Variants in PRKG1 observed in about 807,000 individuals in gnomAD.
PRKG1 encodes cGMP-dependent protein kinase 1.
A neutral mutation model predicts 88.1 loss-of-function variants in PRKG1; 35 were observed. The ratio of observed to expected loss-of-function variants is 0.40; its 90% CI spans 0.30 to 0.53. The LOEUF (loss-of-function observed/expected upper bound fraction) is 0.53. Among genes scored for constraint, PRKG1 ranks in the 20% least tolerant of loss-of-function variants. The probability of loss-of-function intolerance (pLI) is 0.59; values close to 1 mark genes in which losing one functional copy is unlikely to be tolerated. For synonymous variants in PRKG1, 303 were observed against 292.5 expected (o/e 1.04, Z -0.37); for missense variants, 540 against 839.8 (o/e 0.64, Z 4.41).
Position 51,037,461 on chromosome 10 carries a change from T to TA in PRKG1, c.266+45824dup, listed in dbSNP as rs960032164. The stretch of plus-strand genomic sequence containing the variant: ...CTGGATGACAGCGTGAAATCCTTTC[T>TA]AAAAAAACAAAAAACAAACAAACAA... On this transcript the variant is annotated intron_variant, in intron 1 of 17. Coordinates refer to the PRKG1 transcript ENST00000401604. Among the ~76,000 whole-genome samples the TA allele has an allele frequency of 3.7e-4, 56 of 151,782 alleles. 1 individual carries two copies. Among genetic ancestry groups the TA allele is most frequent in the East Asian group, 3.5e-3 (18 of 5,154 alleles).
rs147834678 is a variant in PRKG1 at position 52,015,164 on chromosome 10, C to T, written c.763-39320C>T. ...GCATTGCCCTAGTATAGGTTCTCCACGAGGGCTCTGTCCCTGCAGCAGACT... is the reference window on the plus strand; with the variant it reads ...GCATTGCCCTAGTATAGGTTCTCCATGAGGGCTCTGTCCCTGCAGCAGACT... On this transcript the variant is annotated intron_variant, in intron 5 of 17. Transcript: ENST00000373980. Among the ~76,000 whole-genome samples, 495 of 152,316 alleles carry T rather than the reference C, an allele frequency of 3.2e-3. 4 individuals are homozygous for T. Among genetic ancestry groups the T allele is most frequent in the African/African-American group, 0.011 (440 of 41,564 alleles).
At chr10:51,676,822 G>C (rs1840723222) in intron 3 of PRKG1, among the ~76,000 whole-genome samples, 1 of 151,638 alleles carries the variant, frequency 6.6e-6, no homozygotes, top group Non-Finnish European at 1.5e-5. Flanking sequence ...TTCTTTTTTT[G>C]CTTATCTCCT....
intron 6 of PRKG1, among the ~76,000 whole-genome samples, chr10:52,058,378 T>C (rs1846159493): frequency 6.6e-6 from 1 of 152,000 alleles, no homozygotes; most frequent in African/African-American, 2.4e-5. Flanking sequence ...AAAAATCACA[T>C]TATCATGCCA....
At chr10:51,883,541 A>G (rs1420665957) in intron 4 of PRKG1, among the ~76,000 whole-genome samples, 1 of 152,242 alleles carries the variant, frequency 6.6e-6, no homozygotes, top group Non-Finnish European at 1.5e-5. Flanking sequence ...CCCATAGGTT[A>G]AGAAAGACAT....
intron 4 of PRKG1, among the ~76,000 whole-genome samples, chr10:51,902,710 C>T (rs1467349860): frequency 6.6e-6 from 1 of 152,060 alleles, no homozygotes; most frequent in Non-Finnish European, 1.5e-5. Flanking sequence ...GTAAACAGCA[C>T]ACCTATCATA....
chr10:51,067,669 C>T (rs1843769815), intron 1 of PRKG1, among the ~76,000 whole-genome samples: 2 of 151,992 alleles, frequency 1.3e-5, no homozygotes, highest in African/African-American at 4.8e-5. Context: ...TGACTCTCTA[C>T]ATTAACTCTT....
intron 4 of PRKG1, among the ~76,000 whole-genome samples, chr10:51,827,310 T>G (rs551751126): frequency 2.0e-5 from 3 of 152,278 alleles, no homozygotes; most frequent in Non-Finnish European, 4.4e-5. Flanking sequence ...TATTTTTGGC[T>G]AATTTTTATT....
intron 3 of PRKG1, among the ~76,000 whole-genome samples, chr10:51,597,677 T>C (rs149753524): frequency 0.012 from 1,764 of 152,286 alleles, 15 homozygotes; most frequent in Non-Finnish European, 0.016. Context: ...CTCAGGGTCC[T>C]GTGGCAAGAA....
At chr10:51,717,898 T>A (rs1841924578) in intron 3 of PRKG1, among the ~76,000 whole-genome samples, 1 of 152,142 alleles carries the variant, frequency 6.6e-6, no homozygotes, top group African/African-American at 2.4e-5. Flanking sequence ...ACAAGTCTTC[T>A]ATGAAATTTA....
chr10:51,721,317 C>A (rs1842009295), intron 3 of PRKG1, among the ~76,000 whole-genome samples: 1 of 151,758 alleles, frequency 6.6e-6, no homozygotes, highest in Non-Finnish European at 1.5e-5. Context: ...TTGGTGCTGG[C>A]TTTTTTATAG....
At chr10:51,333,137 G>T (rs897473933) in intron 2 of PRKG1, among the ~76,000 whole-genome samples, 2 of 152,142 alleles carry the variant, frequency 1.3e-5, no homozygotes, top group African/African-American at 4.8e-5. Context: ...TAAAGAAGCT[G>T]GTATAAGTCT....
chr10:51,999,309 C>T (rs943288809), intron 5 of PRKG1, among the ~76,000 whole-genome samples: 2 of 152,102 alleles, frequency 1.3e-5, no homozygotes, highest in Non-Finnish European at 2.9e-5. Context: ...AGGACATGCC[C>T]GGAAGGGATG....
intron 3 of PRKG1, among the ~76,000 whole-genome samples, chr10:51,561,099 G>T (rs10998126): frequency 0.15 from 22,508 of 151,118 alleles, 1,840 homozygotes; most frequent in African/African-American, 0.22. Context: ...AGAAGAAAAA[G>T]AAAAGAAAAG....
At chr10:51,327,902 A>G (rs529559236) in intron 2 of PRKG1, among the ~76,000 whole-genome samples, 1 of 152,356 alleles carries the variant, frequency 6.6e-6, no homozygotes, top group East Asian at 1.9e-4. Context: ...GATAGTTTGA[A>G]GTATATATAC....
intron 2 of PRKG1, among the ~76,000 whole-genome samples, chr10:51,342,977 C>A (rs1340915171): frequency 6.6e-6 from 1 of 152,144 alleles, no homozygotes; most frequent in African/African-American, 2.4e-5. Flanking sequence ...CTATGTATTA[C>A]CACATTAGAC....
chr10:52,233,095 A>G (rs1286351143), intron 9 of PRKG1, among the ~76,000 whole-genome samples: 3 of 152,108 alleles, frequency 2.0e-5, no homozygotes, highest in African/African-American at 7.2e-5. Context: ...AAGCCTTGCA[A>G]AACCCAATTA....
At chr10:52,247,044 G>A (rs577223699) in intron 9 of PRKG1, among the ~76,000 whole-genome samples, 1 of 152,102 alleles carries the variant, frequency 6.6e-6, no homozygotes, top group Admixed American at 6.6e-5. Flanking sequence ...TTGTATATTT[G>A]TATTGTGTGT....
chr10:51,519,996 T>C (rs2132075344), intron 3 of PRKG1, among the ~76,000 whole-genome samples: 1 of 152,244 alleles, frequency 6.6e-6, no homozygotes, highest in African/African-American at 2.4e-5. Flanking sequence ...ACCTATAAGG[T>C]GCATGCTATA....
At chr10:51,447,238 A>G (rs962510523) in intron 2 of PRKG1, among the ~76,000 whole-genome samples, 4 of 151,942 alleles carry the variant, frequency 2.6e-5, no homozygotes, top group African/African-American at 9.7e-5. Flanking sequence ...CACCTTTGGG[A>G]TTTAGAGAGC....
Sources: gnomAD v4.1 joint callset for allele counts (sites outside exome capture counted in the v4.1 genomes callset) on GRCh38, gnomAD v4.1.1 for gene constraint, MANE v1.5 for transcripts, NCBI Gene and HGNC (gene_info 2026-07-23, HGNC 2026-07-21) for gene names.